The following ROBO1 variants were observed in gnomAD, a reference collection of about 807,000 sequenced individuals.
ROBO1 encodes roundabout homolog 1.
In ROBO1, 149 loss-of-function variants were observed where a neutral mutation model predicts 195.9. The observed-to-expected ratio is 0.76, with a 90% CI of 0.67 to 0.87. The LOEUF (loss-of-function observed/expected upper bound fraction) is 0.87, where lower values mean the gene tolerates loss of function less well. ROBO1 is among the 40% of genes least tolerant of loss of function. The pLI is 0.00. For synonymous variants in ROBO1, 816 were observed against 733.2 expected, an observed-to-expected ratio of 1.11 and a Z score of -1.82; for missense variants, 1,933 against 2,068.3, an observed-to-expected ratio of 0.93 and a Z score of 1.27.
intron 4 of ROBO1, among the ~76,000 whole-genome samples, chr3:78,796,508 A>G (rs1276384963): frequency 7.2e-6 from 1 of 138,028 alleles, no homozygotes; most frequent in Admixed American, 7.6e-5. Flanking sequence ...GGAAATCCTC[A>G]TTTCAATGTT....
chr3:79,375,983 C>T (rs2036369009), intron 2 of ROBO1, among the ~76,000 whole-genome samples: 1 of 152,128 alleles, frequency 6.6e-6, no homozygotes, highest in Admixed American at 6.6e-5. Flanking sequence ...AGGTGATATC[C>T]ACAGGACTGA....
Position 79,218,059 on chromosome 3 carries a change from T to C in ROBO1, c.89-92520A>G, listed in dbSNP as rs145495835. On this transcript the variant is annotated intron_variant, in intron 2 of 30. Coordinates refer to ENST00000464233, the MANE Select transcript of ROBO1 (RefSeq NM_002941.4). ...TTAGAAGATTATATAAATAATAAAG[T>C]AACAAAAACAGAAAAATGCTATGTA... 2.1e-3 allele frequency among the ~76,000 whole-genome samples: 320 copies of C among 151,980 alleles called. 4 individuals are homozygous for C. Among genetic ancestry groups the C allele is most frequent in the African/African-American group, 6.7e-3 (277 of 41,518 alleles).
chr3:79,499,264 G>A (rs1157767327), intron 2 of ROBO1, among the ~76,000 whole-genome samples: 1 of 152,074 alleles, frequency 6.6e-6, no homozygotes, highest in Non-Finnish European at 1.5e-5. Context: ...CAAAGTGCTG[G>A]TATTACAGCC....
At chr3:78,879,442 G>T (rs953460373) in intron 4 of ROBO1, among the ~76,000 whole-genome samples, 1 of 151,642 alleles carries the variant, frequency 6.6e-6, no homozygotes, top group African/African-American at 2.4e-5. Context: ...TATATACGAG[G>T]TTAGGCAAAT....
At chr3:79,137,693 T>C (rs1456771990) in intron 2 of ROBO1, among the ~76,000 whole-genome samples, 1 of 152,062 alleles carries the variant, frequency 6.6e-6, no homozygotes, top group African/African-American at 2.4e-5. Context: ...CAGAGTACTT[T>C]TGCTTCTGTC....
intron 3 of ROBO1, among the ~76,000 whole-genome samples, chr3:79,010,347 G>T (rs893644679): frequency 6.6e-6 from 1 of 152,040 alleles, no homozygotes; most frequent in Non-Finnish European, 1.5e-5. Context: ...AGCTTAACTT[G>T]TTGAACCTCA....
At chr3:78,906,940 C>T (rs1293600229) in intron 4 of ROBO1, among the ~76,000 whole-genome samples, 1 of 151,932 alleles carries the variant, frequency 6.6e-6, no homozygotes, top group Non-Finnish European at 1.5e-5. Flanking sequence ...TAGACAGATT[C>T]TTCTATCTAC....
At chr3:79,126,676 G>A (rs990361631) in intron 2 of ROBO1, among the ~76,000 whole-genome samples, 1 of 152,190 alleles carries the variant, frequency 6.6e-6, no homozygotes, top group African/African-American at 2.4e-5. Context: ...ACAGAGGAAG[G>A]ATTTCTTGTT....
chr3:79,542,480 G>T (rs761677231), intron 2 of ROBO1, among the ~76,000 whole-genome samples: 10 of 152,064 alleles, frequency 6.6e-5, no homozygotes, highest in Admixed American at 2.0e-4. Flanking sequence ...GCTAACTTTA[G>T]CTAATTAGCC....
At chr3:79,752,737 T>C (rs1351999012) in intron 1 of ROBO1, among the ~76,000 whole-genome samples, 2 of 151,830 alleles carry the variant, frequency 1.3e-5, no homozygotes, top group East Asian at 1.9e-4. Context: ...GGAAAATAGG[T>C]AGGGAGTCCG....
At chr3:79,037,901 A>T (rs2078409199) in intron 3 of ROBO1, among the ~76,000 whole-genome samples, 1 of 152,196 alleles carries the variant, frequency 6.6e-6, no homozygotes, top group Admixed American at 6.5e-5. Context: ...ATTCTCAAAG[A>T]GGATAGTTCT....
At position 78,793,622 on chromosome 3, in the gene ROBO1, T is replaced by C. The variant is rs149729277; in HGVS notation, c.500-46722A>G. ...CCCTGAGTGACAAATAAGCCATCAA[T>C]AGCAATTGTGTTAATGACTGAACCC... On this transcript the variant is annotated intron_variant, in intron 4 of 30. Transcript: ENST00000464233. Among the ~76,000 whole-genome samples the C allele has an allele frequency of 3.0e-3, 462 of 152,284 alleles. 5 individuals are homozygous for C. The highest frequency in any genetic ancestry group is 1.0e-2 in the African/African-American group (415 of 41,566).
intron 2 of ROBO1, among the ~76,000 whole-genome samples, chr3:79,579,367 G>T (rs79631133): frequency 0.011 from 1,645 of 152,246 alleles, 28 homozygotes; most frequent in African/African-American, 0.038. Context: ...AGACTTACAG[G>T]TTCTTGTGAA....
At chr3:79,014,339 G>C (rs576160778) in intron 3 of ROBO1, among the ~76,000 whole-genome samples, 1 of 152,094 alleles carries the variant, frequency 6.6e-6, no homozygotes, top group African/African-American at 2.4e-5. Context: ...CTGGCATGGT[G>C]GTGGGCATCT....
Position 79,604,552 on chromosome 3 carries a change from G to A in ROBO1, c.-50-14591C>T, listed in dbSNP as rs191660454. Among the ~76,000 whole-genome samples the A allele has an allele frequency of 4.6e-5, 7 of 151,912 alleles. No homozygotes were observed. In the East Asian group the frequency reaches 1.2e-3, roughly 25 times the overall value. On this transcript the variant is annotated intron_variant, in intron 1 of 30. Transcript: ENST00000464233. ...AATTTTTGTTGCAAAGTAAATATACGGTTACATAGAATTTGCAAAGTTACA... is the reference window on the plus strand; with the variant it reads ...AATTTTTGTTGCAAAGTAAATATACAGTTACATAGAATTTGCAAAGTTACA...
chr3:79,205,461 A>G (rs1211076020), intron 2 of ROBO1, among the ~76,000 whole-genome samples: 1 of 152,188 alleles, frequency 6.6e-6, no homozygotes, highest in African/African-American at 2.4e-5. Flanking sequence ...CTCCATGCAT[A>G]AGAAATATAC....
At chr3:78,745,035 C>T (rs927688323) in intron 5 of ROBO1, among the ~76,000 whole-genome samples, 2 of 152,052 alleles carry the variant, frequency 1.3e-5, no homozygotes, top group South Asian at 2.1e-4. Flanking sequence ...GTTGGCCGGG[C>T]GTGGTGGCTC....
At chr3:79,743,365 T>C (rs999560117) in intron 1 of ROBO1, among the ~76,000 whole-genome samples, 5 of 152,206 alleles carry the variant, frequency 3.3e-5, no homozygotes, top group Non-Finnish European at 5.9e-5. Flanking sequence ...AAACATGTTA[T>C]ACATTTGTTT....
chr3:79,554,053 G>A (rs1305218411), intron 2 of ROBO1, among the ~76,000 whole-genome samples: 1 of 151,848 alleles, frequency 6.6e-6, no homozygotes, highest in Non-Finnish European at 1.5e-5. Context: ...AATAATGATG[G>A]TTATATGTCA....
Sources: allele counts gnomAD v4.1 joint callset (sites outside exome capture counted in the v4.1 genomes callset), GRCh38; gene constraint gnomAD v4.1.1; transcripts MANE v1.5; gene names NCBI Gene and HGNC (gene_info 2026-07-23, HGNC 2026-07-21).